The following ARSG variants were observed in gnomAD, a reference collection of about 807,000 sequenced individuals.
ARSG encodes ASG.
ARSG carries 37 observed loss-of-function variants against 50.5 expected under a neutral mutation model. That is an observed-to-expected ratio of 0.73 (90% CI 0.56 to 0.96). The LOEUF (loss-of-function observed/expected upper bound fraction) is 0.96. Among genes scored for constraint, ARSG ranks in the 50% least tolerant of loss-of-function variants. The pLI, the probability that ARSG is intolerant of heterozygous loss-of-function variation, is 0.00. For synonymous variants in ARSG, 225 were observed against 254.6 expected (o/e 0.88, Z 1.11); for missense variants, 629 against 675.3 (o/e 0.93, Z 0.76).
At chr17:68,272,227 C>T (rs1263360924) in intron 1 of ARSG, among the ~76,000 whole-genome samples, 6 of 151,988 alleles carry the variant, frequency 3.9e-5, no homozygotes, top group African/African-American at 7.3e-5. Context: ...TGTAAGCCAC[C>T]GTGCTCAGTT....
the ARSG span, among the ~76,000 whole-genome samples, chr17:68,433,955 G>C: frequency 6.6e-6 from 1 of 151,760 alleles, no homozygotes; most frequent in Non-Finnish European, 1.5e-5. Context: ...GCTAATTTTT[G>C]TATTTTTAGT....
chr17:68,415,930 G>C (rs561459776), intron 11 of ARSG, among the ~76,000 whole-genome samples: 1 of 152,148 alleles, frequency 6.6e-6, no homozygotes, highest in Non-Finnish European at 1.5e-5. Context: ...TGAGTCTCCC[G>C]AAGGCAGCAG....
intron 8 of ARSG, among the ~76,000 whole-genome samples, chr17:68,372,877 ATTTTTTTTTTTT>A (rs55668215): frequency 5.4e-5 from 5 of 93,164 alleles, no homozygotes; most frequent in African/African-American, 1.2e-4. Context: ...GGAAATGCTG[ATTTTTTTTTTTT>A]TTTTTTTTTT....
At chr17:68,269,072 T>G in intron 1 of ARSG, 1 of 1,571,576 alleles carries the variant, frequency 6.4e-7, no homozygotes, top group Non-Finnish European at 8.6e-7. Flanking sequence ...GCCAACACAG[T>G]GGCTGTTGTT....
chr17:68,281,430 G>A (rs529190451), intron 1 of ARSG, among the ~76,000 whole-genome samples: 42 of 151,864 alleles, frequency 2.8e-4, no homozygotes, highest in Non-Finnish European at 4.6e-4. Context: ...AGCTGGGCGT[G>A]GTGGCATGCA....
intron 1 of ARSG, among the ~76,000 whole-genome samples, chr17:68,305,927 T>G (rs1242723959): frequency 6.6e-6 from 1 of 151,852 alleles, no homozygotes; most frequent in Non-Finnish European, 1.5e-5. Flanking sequence ...AATACAAAAA[T>G]TAGCTGGGGT....
chr17:68,433,972 G>C, the ARSG span, among the ~76,000 whole-genome samples: 1 of 151,680 alleles, frequency 6.6e-6, no homozygotes, highest in Non-Finnish European at 1.5e-5. Context: ...TAGTAGAGAC[G>C]GTGTTTCACC....
At chr17:68,310,415 A>G (rs2076804993) in intron 2 of ARSG, among the ~76,000 whole-genome samples, 1 of 152,228 alleles carries the variant, frequency 6.6e-6, no homozygotes, top group Admixed American at 6.5e-5. Context: ...CACTTAAGGC[A>G]TACTGAACTC....
At chr17:68,442,734 T>G in the ARSG span, among the ~76,000 whole-genome samples, 1 of 152,164 alleles carries the variant, frequency 6.6e-6, no homozygotes, top group African/African-American at 2.4e-5. Flanking sequence ...TCATTCCTGA[T>G]CAGAAGAGCA....
intron 11 of ARSG, chr17:68,413,622 T>G (rs1232778973): frequency 3.3e-5 from 5 of 152,516 alleles, no homozygotes; most frequent in African/African-American, 7.2e-5. Flanking sequence ...CAGGCCTCCT[T>G]GAGCTGTGGT....
In ARSG at chr17:68,265,712, G is replaced by GT. The variant is rs11368011; in HGVS notation, c.-552+6300dup. The stretch of plus-strand genomic sequence containing the variant: ...GTCCACAGGCCAAATCCAGTCCACT[G>GT]TTTTTTTTTTTTTTCAGCCTGAGAG... On this transcript the variant is annotated intron_variant, in intron 1 of 11. Coordinates refer to the ARSG transcript ENST00000448504. Among the ~76,000 whole-genome samples, 1,009 of 134,308 alleles carry GT rather than the reference G, an allele frequency of 7.5e-3. 9 individuals are homozygous for GT. The highest frequency in any genetic ancestry group is 0.023 in the African/African-American group (827 of 36,236). The allele number at this position is 134,308 out of a possible 152,430, so 88.1% of individuals were successfully genotyped here.
At chr17:68,269,166 G>A in intron 1 of ARSG, 1 of 1,549,756 alleles carries the variant, frequency 6.5e-7, no homozygotes, top group South Asian at 1.2e-5. Flanking sequence ...AAAGTCTTCA[G>A]GTATGTCCTG....
At chr17:68,368,072 A>G (rs934612610) in intron 6 of ARSG, among the ~76,000 whole-genome samples, 7 of 151,268 alleles carry the variant, frequency 4.6e-5, no homozygotes, top group Non-Finnish European at 8.8e-5. Flanking sequence ...CTCTGTCTCC[A>G]AAAAAAAGAA....
rs1161183028 is a variant in ARSG at position 68,260,663 on chromosome 17, A to T, written c.-552+1237A>T. ...CCACCATGCCCCGTGTATTTTTTTT[A>T]TTTTTATTTTTTAGAGATGGGGTTT... On this transcript the variant is annotated intron_variant, in intron 1 of 11. Transcript: ENST00000448504. Among the ~76,000 whole-genome samples the T allele has an allele frequency of 1.8e-3, 266 of 151,622 alleles. 1 individual carries two copies. The highest frequency in any genetic ancestry group is 6.2e-3 in the African/African-American group (255 of 41,340).
rs782723013 is a variant in ARSG at position 68,306,667 on chromosome 17, T to G, written c.-551-276T>G. On this transcript the variant is annotated intron_variant, in intron 1 of 11. Coordinates refer to ENST00000621439, the MANE Select transcript of ARSG (RefSeq NM_001267727.2). ...TAGCAGCATTGGGGGCTGGTCCTGG[T>G]CCCACCCAGAACACTGGGCCTCAAT... Among the ~76,000 whole-genome samples the G allele has an allele frequency of 2.6e-4, 40 of 152,340 alleles. No individual in the cohort carries two copies. The Middle Eastern group carries it at 0.01, about 39-fold the overall frequency.
chr17:68,352,112 AGAC>A lies in ARSG; in HGVS notation c.566+427_566+429del, dbSNP rs2078804176. Reference sequence around the variant, plus strand: ...AGGAGAGAGAGAGAGAGAGAGAGAGAGACAGAGGAGAGAGAGAGAGAGAGACAG... The same window carrying A: ...AGGAGAGAGAGAGAGAGAGAGAGAGAAGAGGAGAGAGAGAGAGAGAGACAG... On this transcript the variant is annotated intron_variant, in intron 5 of 11. Coordinates refer to ENST00000621439, the MANE Select transcript of ARSG (RefSeq NM_001267727.2). 1.7e-5 allele frequency among the ~76,000 whole-genome samples: 2 copies of A among 114,488 alleles called. 1 individual carries two copies. The highest frequency in any genetic ancestry group is 6.9e-5 in the African/African-American group (2 of 29,054). The allele number at this position is 114,488 out of a possible 152,430, so 75.1% of individuals were successfully genotyped here.
At chr17:68,379,187 A>G (rs1204110013) in intron 8 of ARSG, among the ~76,000 whole-genome samples, 1 of 152,146 alleles carries the variant, frequency 6.6e-6, no homozygotes. Context: ...AAACGAGTAC[A>G]CTGTAGGCAT....
chr17:68,274,817 G>C (rs2145006508), intron 1 of ARSG, among the ~76,000 whole-genome samples: 1 of 147,770 alleles, frequency 6.8e-6, no homozygotes, highest in Admixed American at 6.7e-5. Flanking sequence ...TTTTGCTCTT[G>C]TTTTCTAGGC....
upstream of ARSG, among the ~76,000 whole-genome samples, chr17:68,288,747 C>T (rs1261412465): frequency 1.3e-5 from 2 of 152,158 alleles, no homozygotes; most frequent in Non-Finnish European, 2.9e-5. Context: ...AAGGCAAGGC[C>T]GAAGAGTTGG....
Sources: gnomAD v4.1 joint callset for allele counts (sites outside exome capture counted in the v4.1 genomes callset) on GRCh38, gnomAD v4.1.1 for gene constraint, MANE v1.5 for transcripts, NCBI Gene and HGNC (gene_info 2026-07-23, HGNC 2026-07-21) for gene names.